The following POU3F3 variants were observed in gnomAD, a reference collection of about 807,000 sequenced individuals.
POU3F3 encodes the protein POU domain, class 3, transcription factor 3.
A neutral mutation model predicts 8.6 loss-of-function variants in POU3F3; 1 was observed. That is an observed-to-expected ratio of 0.12 (90% CI 0.04 to 0.55). The LOEUF is 0.55. Among genes scored for constraint, POU3F3 ranks in the 20% least tolerant of loss-of-function variants. The probability of loss-of-function intolerance (pLI) is 0.91; values close to 1 mark genes in which losing one functional copy is unlikely to be tolerated. For missense variants in POU3F3, 577 were observed against 690.7 expected, an observed-to-expected ratio of 0.84 and a Z score of 1.84; for synonymous variants, 418 against 327.4, an observed-to-expected ratio of 1.28 and a Z score of -2.99.
At chr2:104,904,604 A>G in the POU3F3 span, among the ~76,000 whole-genome samples, 6 of 152,022 alleles carry the variant, frequency 3.9e-5, no homozygotes, top group Non-Finnish European at 8.8e-5. Flanking sequence ...AATGTAAGGA[A>G]CATTTATAGT....
chr2:104,912,988 T>C, the POU3F3 span, among the ~76,000 whole-genome samples: 1 of 152,224 alleles, frequency 6.6e-6, no homozygotes, highest in Non-Finnish European at 1.5e-5. Context: ...GAATTATTAC[T>C]CTCAAGATGC....
chr2:104,864,274 A>C, the POU3F3 span, among the ~76,000 whole-genome samples: 1 of 152,334 alleles, frequency 6.6e-6, no homozygotes, highest in South Asian at 2.1e-4. Context: ...GGCCGTGGTG[A>C]GCCTTAGAAA....
chr2:104,925,099 C>T, the POU3F3 span, among the ~76,000 whole-genome samples: 1 of 152,134 alleles, frequency 6.6e-6, no homozygotes, highest in Non-Finnish European at 1.5e-5. Flanking sequence ...ATATTCACTC[C>T]TAGCCTACCT....
chr2:104,881,356 G>A, the POU3F3 span, among the ~76,000 whole-genome samples: 42 of 152,050 alleles, frequency 2.8e-4, 1 homozygote, highest in African/African-American at 9.9e-4. Context: ...GTAGAGATGG[G>A]GGTATCACTG....
At chr2:104,889,998 C>T in the POU3F3 span, among the ~76,000 whole-genome samples, 8 of 152,186 alleles carry the variant, frequency 5.3e-5, no homozygotes, top group East Asian at 1.9e-4. Context: ...AGGCAGGCAG[C>T]GCACAGCAGT....
At chr2:104,879,676 C>T in the POU3F3 span, among the ~76,000 whole-genome samples, 2 of 152,096 alleles carry the variant, frequency 1.3e-5, no homozygotes, top group African/African-American at 4.8e-5. Context: ...CCCCTCCTTC[C>T]TTGCTGTGTG....
the POU3F3 span, among the ~76,000 whole-genome samples, chr2:104,889,332 C>T: frequency 1.3e-5 from 2 of 152,122 alleles, no homozygotes; most frequent in African/African-American, 4.8e-5. Flanking sequence ...AAGCCAAGGT[C>T]CTGCTAGTGC....
At chr2:104,927,010 G>A in the POU3F3 span, among the ~76,000 whole-genome samples, 28 of 152,122 alleles carry the variant, frequency 1.8e-4, no homozygotes, top group African/African-American at 6.8e-4. Context: ...TGTAGATGAT[G>A]GGTGGATGGG....
At chr2:104,890,223 G>A in the POU3F3 span, among the ~76,000 whole-genome samples, 5 of 152,326 alleles carry the variant, frequency 3.3e-5, no homozygotes, top group Non-Finnish European at 7.4e-5. Context: ...GGCCTCTCCT[G>A]TTCCTGGTTG....
In POU3F3 at chr2:104,856,148, A is replaced by G; in HGVS notation, c.638A>G (p.Gln213Arg). The change falls in exon 1 of 1, where the codon CAG (glutamine) becomes CGG (arginine). Residue 213 changes from glutamine to arginine, a missense_variant. This residue lies in a region of POU3F3 where 484 missense variants were observed against 422.6 expected (regional missense o/e 1.15). Transcript: ENST00000361360. ...CACCTCCCGTCCATGGCCGGGGGCC[A>G]GCAGCCGCCGCCGCAGAGTCTGCTC... is the stretch of plus-strand genomic sequence containing the variant. ...AAHLPSMAGGQQPPPQSLLYS... is the reference protein window; with the variant it reads ...AAHLPSMAGGRQPPPQSLLYS... 8.2e-7 allele frequency: 1 copy of G among 1,225,034 alleles called. No homozygotes were observed. Among genetic ancestry groups the G allele is most frequent in the South Asian group, 2.9e-5 (1 of 34,088 alleles). 75.9% of individuals were successfully genotyped at this position (1,225,034 alleles called of 1,614,324 possible). A position where few individuals can be genotyped will look rare whatever the true frequency, so the allele number is the denominator to read the frequency against.
the POU3F3 span, among the ~76,000 whole-genome samples, chr2:104,881,690 T>A: frequency 6.6e-6 from 1 of 152,228 alleles, no homozygotes; most frequent in African/African-American, 2.4e-5. Flanking sequence ...TTTACTAAAT[T>A]CAGGAAAATA....
chr2:104,884,659 G>C, the POU3F3 span, among the ~76,000 whole-genome samples: 1 of 152,128 alleles, frequency 6.6e-6, no homozygotes. Flanking sequence ...ACCAACAAAG[G>C]GTGTGGTGTT....
the POU3F3 span, among the ~76,000 whole-genome samples, chr2:104,917,190 T>C: frequency 2.0e-5 from 3 of 152,206 alleles, no homozygotes; most frequent in Admixed American, 6.5e-5. Context: ...TGGCAGCTTG[T>C]GGGACTTTTC....
At chr2:104,915,181 A>T in the POU3F3 span, among the ~76,000 whole-genome samples, 1 of 152,228 alleles carries the variant, frequency 6.6e-6, no homozygotes, top group African/African-American at 2.4e-5. Context: ...GGCAAATCAG[A>T]TTAATTAAAT....
At chr2:104,874,177 G>T in the POU3F3 span, among the ~76,000 whole-genome samples, 5 of 152,220 alleles carry the variant, frequency 3.3e-5, no homozygotes, top group Admixed American at 2.0e-4. Flanking sequence ...TCTCCTGGGA[G>T]GAAGGGGTAG....
chr2:104,870,787 G>A, the POU3F3 span, among the ~76,000 whole-genome samples: 387 of 152,210 alleles, frequency 2.5e-3, 5 homozygotes, highest in African/African-American at 9.0e-3. Context: ...GAATGAACAG[G>A]GACTTCCATT....
the POU3F3 span, among the ~76,000 whole-genome samples, chr2:104,873,774 C>T: frequency 6.6e-6 from 1 of 152,170 alleles, no homozygotes; most frequent in African/African-American, 2.4e-5. Flanking sequence ...CATACACACA[C>T]ACTCGAGAAC....
the POU3F3 span, among the ~76,000 whole-genome samples, chr2:104,887,472 C>T: frequency 6.6e-6 from 1 of 152,208 alleles, no homozygotes; most frequent in African/African-American, 2.4e-5. Flanking sequence ...AAAGGAAGAA[C>T]CATGGAATAG....
chr2:104,884,994 A>G, the POU3F3 span, among the ~76,000 whole-genome samples: 1 of 152,122 alleles, frequency 6.6e-6, no homozygotes, highest in African/African-American at 2.4e-5. Flanking sequence ...ACGGGCAAGG[A>G]GCAGGAGGGC....
Sources: allele counts gnomAD v4.1 joint callset (sites outside exome capture counted in the v4.1 genomes callset), GRCh38; gene constraint gnomAD v4.1.1; regional missense constraint gnomAD v4.1.1; transcripts MANE v1.5; gene names NCBI Gene and HGNC (gene_info 2026-07-23, HGNC 2026-07-21).